Variants in TNFRSF14 observed in about 807,000 individuals in gnomAD.
TNFRSF14 encodes the protein TNF receptor superfamily member 14, also known as tumor necrosis factor receptor superfamily member 14.
A neutral mutation model predicts 34.1 loss-of-function variants in TNFRSF14; 18 were observed. The ratio of observed to expected loss-of-function variants is 0.53; its 90% confidence interval spans 0.36 to 0.78. TNFRSF14 has a LOEUF of 0.78. Ranked by LOEUF, TNFRSF14 falls within the 30% of genes least tolerant of loss-of-function variation. The pLI is 0.00. For missense variants in TNFRSF14, 352 were observed against 379.5 expected (o/e 0.93, Z 0.60); for synonymous variants, 157 against 153.2 (o/e 1.02, Z -0.18).
In TNFRSF14 at chr1:2,558,403, C is replaced by T. The variant is rs771517383; in HGVS notation, c.239C>T (p.Pro80Leu). The stretch of plus-strand genomic sequence containing the variant: ...GGCACAGTGTGTGAACCCTGCCCTC[C>T]AGGCACCTACATTGCCCACCTCAAT... ...LTGTVCEPCP[P>L]GTYIAHLNGL... Residue 80 changes from proline to leucine, a missense_variant, in exon 3 of 8, where the codon CCA becomes CTA. Physicochemically the swap from Pro to Leu is moderately conservative, Grantham distance 98. Coordinates refer to ENST00000355716, the MANE Select transcript of TNFRSF14 (RefSeq NM_003820.4). 1.9e-6 allele frequency: 3 copies of T among 1,613,404 alleles called. No individual in the cohort carries two copies. In the South Asian group the frequency reaches 3.3e-5, roughly 18 times the overall value.
In TNFRSF14 at chr1:2,559,823, C is replaced by T. The variant is rs2100852440; in HGVS notation, c.305C>T (p.Ala102Val). ...CTCAGCCCCTCCTCTTGGACTCCAGCCATGGGCCTGCGCGCGAGCCGGAAC... is the reference window on the plus strand; with the variant it reads ...CTCAGCCCCTCCTCTTGGACTCCAGTCATGGGCCTGCGCGCGAGCCGGAAC... Reference protein sequence around the residue: ...KCLQCQMCDPAMGLRASRNCS... With the variant: ...KCLQCQMCDPVMGLRASRNCS... The change falls in exon 4 of 8, where the codon GCC (alanine) becomes GTC (valine). Residue 102 changes from alanine (A) to valine (V), a missense_variant and splice_region_variant. Transcript: ENST00000355716. 3 of 1,606,580 alleles carry T rather than the reference C, an allele frequency of 1.9e-6. No homozygotes were observed. The highest frequency in any genetic ancestry group is 2.5e-6 in the Non-Finnish European group (3 of 1,177,636).
At position 2,559,805 on chromosome 1, in the gene TNFRSF14, C is replaced by A. The variant is rs750170869; in HGVS notation, c.305-18C>A. The A allele has an allele frequency of 4.4e-6, 7 of 1,602,372 alleles. No homozygotes were observed. The highest frequency in any genetic ancestry group is 2.2e-5 in the East Asian group (1 of 44,492). On this transcript the variant is annotated intron_variant, in intron 3 of 7. Coordinates refer to ENST00000355716, the MANE Select transcript of TNFRSF14 (RefSeq NM_003820.4). ...CGGCCTCCACGTACCCCTCTCAGCCCCTCCTCTTGGACTCCAGCCATGGGC... is the reference window on the plus strand; with the variant it reads ...CGGCCTCCACGTACCCCTCTCAGCCACTCCTCTTGGACTCCAGCCATGGGC...
intron 3 of TNFRSF14, 69 bp downstream of exon 3, chr1:2,558,537 C>A (rs945311667): frequency 1.3e-6 from 2 of 1,592,968 alleles, no homozygotes; most frequent in East Asian, 4.5e-5. Flanking sequence ...CCTGCACCCT[C>A]TCTCCATGGC....
chr1:2,558,569 C>T (rs1405387800), intron 3 of TNFRSF14, 101 bp downstream of exon 3: 36 of 1,572,904 alleles, frequency 2.3e-5, no homozygotes, highest in East Asian at 1.6e-4. Context: ...AGGAAGGCCC[C>T]GGCTGCCCCA....
At chr1:2,559,165 A>T in intron 3 of TNFRSF14, 1 of 1,365,874 alleles carries the variant, frequency 7.3e-7, no homozygotes, top group East Asian at 3.4e-5. Flanking sequence ...CAGGTGGGCT[A>T]GCCATGAACA....
chr1:2,558,419 C>T lies in TNFRSF14; in HGVS notation c.255C>T (p.Ala85=). 2 of 1,613,442 alleles carry T rather than the reference C, an allele frequency of 1.2e-6. No homozygotes were observed. Among genetic ancestry groups the T allele is most frequent in the South Asian group, 1.1e-5 (1 of 91,048 alleles). ...CCTGCCCTCCAGGCACCTACATTGCCCACCTCAATGGCCTAAGCAAGTGTC... is the reference window on the plus strand; with the variant it reads ...CCTGCCCTCCAGGCACCTACATTGCTCACCTCAATGGCCTAAGCAAGTGTC... ...CEPCPPGTYI[A]HLNGLSKCLQ... The change falls in exon 3 of 8, where the codon GCC becomes GCT. Residue 85 remains alanine, a synonymous_variant. Coordinates refer to ENST00000355716, the MANE Select transcript of TNFRSF14 (RefSeq NM_003820.4).
Position 2,561,389 on chromosome 1 carries a change from T to C in TNFRSF14, c.552-284T>C, listed in dbSNP as rs1644306022. ...CCGTGCTCTGGGGTCTCTGCACTGCTGGCTGCCTCCCGCTTCTCTCCCCTC... is the reference window on the plus strand; with the variant it reads ...CCGTGCTCTGGGGTCTCTGCACTGCCGGCTGCCTCCCGCTTCTCTCCCCTC... On this transcript the variant is annotated intron_variant, in intron 5 of 7. Transcript: ENST00000355716. The surrounding 1 kb of genome is among the most constrained non-coding windows in gnomAD (Gnocchi z 6.0). 2 of 1,177,038 alleles carry C rather than the reference T, an allele frequency of 1.7e-6. No individual in the cohort carries two copies. The highest frequency in any genetic ancestry group is 1.6e-5 in the South Asian group (1 of 63,456). 72.9% of individuals were successfully genotyped at this position (1,177,038 alleles called of 1,614,324 possible). A position where few individuals can be genotyped will look rare whatever the true frequency, so the allele number is the denominator to read the frequency against.
At chr1:2,559,329 G>C (rs937695829) in intron 3 of TNFRSF14, 1 of 1,370,696 alleles carries the variant, frequency 7.3e-7, no homozygotes, top group African/African-American at 1.4e-5. Flanking sequence ...TGGCAGGTGA[G>C]GCTGCCCTCA....
At chr1:2,560,350 A>G (rs1042531930) in intron 4 of TNFRSF14, among the ~76,000 whole-genome samples, 2 of 152,136 alleles carry the variant, frequency 1.3e-5, no homozygotes, top group African/African-American at 4.8e-5. Context: ...CCTGGCCTGC[A>G]TCTGGCCGGG....
Position 2,558,430 on chromosome 1 carries a change from G to A in TNFRSF14, c.266G>A (p.Gly89Asp). Residue 89 changes from glycine (G) to aspartate (D), a missense_variant, in exon 3 of 8, where the codon GGC becomes GAC. Gly to Asp is a moderately conservative substitution (Grantham distance 94, BLOSUM62 -1). Coordinates refer to ENST00000355716, the MANE Select transcript of TNFRSF14 (RefSeq NM_003820.4). ...GGCACCTACATTGCCCACCTCAATGGCCTAAGCAAGTGTCTGCAGTGCCAA... is the reference window on the plus strand; with the variant it reads ...GGCACCTACATTGCCCACCTCAATGACCTAAGCAAGTGTCTGCAGTGCCAA... The part of the protein sequence containing the change: ...PPGTYIAHLN[G>D]LSKCLQCQMC... 1 of 1,613,372 alleles carries A rather than the reference G, an allele frequency of 6.2e-7. No individual in the cohort carries two copies. Among genetic ancestry groups the A allele is most frequent in the Non-Finnish European group, 8.5e-7 (1 of 1,179,828 alleles).
chr1:2,560,733 G>C lies in TNFRSF14; in HGVS notation c.551+19G>C. ...AGACCAAGTAAGTGAACCCGGGGGAGGCCCAGCTCTGTGCCCTGGGGAGGG... is the reference window on the plus strand; with the variant it reads ...AGACCAAGTAAGTGAACCCGGGGGACGCCCAGCTCTGTGCCCTGGGGAGGG... On this transcript the variant is annotated intron_variant, in intron 5 of 7. Coordinates refer to ENST00000355716, the MANE Select transcript of TNFRSF14 (RefSeq NM_003820.4). 1 of 1,610,508 alleles carries C rather than the reference G, an allele frequency of 6.2e-7. No individual in the cohort carries two copies. Among genetic ancestry groups the C allele is most frequent in the Non-Finnish European group, 8.5e-7 (1 of 1,177,906 alleles).
intron 3 of TNFRSF14, chr1:2,559,466 G>A (rs1160271566): frequency 1.9e-5 from 27 of 1,430,592 alleles, no homozygotes; most frequent in Non-Finnish European, 2.2e-5. Flanking sequence ...TTGCGGGGTG[G>A]GTGTCTGGGT....
intron 3 of TNFRSF14, 103 bp from the exon 4 acceptor site, chr1:2,559,720 A>T: frequency 6.5e-7 from 1 of 1,537,682 alleles, no homozygotes; most frequent in Non-Finnish European, 8.7e-7. Context: ...TCAGCCTGGC[A>T]GGGCGCCCTG....
At position 2,559,764 on chromosome 1, in the gene TNFRSF14, C is replaced by A. The variant is rs557850965; in HGVS notation, c.305-59C>A. The A allele has an allele frequency of 9.6e-6, 15 of 1,556,866 alleles. No individual in the cohort carries two copies. The East Asian group carries it at 2.8e-4, about 29-fold the overall frequency. On this transcript the variant is annotated intron_variant, in intron 3 of 7. Coordinates refer to ENST00000355716, the MANE Select transcript of TNFRSF14 (RefSeq NM_003820.4). ...CCTTGGCCTGTGGATGCTGTCCTGGCCCGTGGATGGTGTCCCGGCCTCCAC... is the reference window on the plus strand; with the variant it reads ...CCTTGGCCTGTGGATGCTGTCCTGGACCGTGGATGGTGTCCCGGCCTCCAC...
chr1:2,559,346 G>A (rs1197400257), intron 3 of TNFRSF14: 3 of 1,374,838 alleles, frequency 2.2e-6, no homozygotes, highest in South Asian at 2.4e-5. Context: ...CTCAGGAGGG[G>A]CCCAGGCCCA....
rs894767209 is a variant in TNFRSF14, at chr1:2,563,422, G to T, written c.*149G>T. 1.0e-4 allele frequency: 135 copies of T among 1,355,044 alleles called. No homozygotes were observed. In the South Asian group the frequency reaches 1.8e-3, roughly 18 times the overall value. 83.9% of individuals were successfully genotyped at this position (1,355,044 alleles called of 1,614,324 possible). ...CTCCTCCAGTGGAGGGAGAGGTGGG[G>T]CCCCTGCTGGGGTAGAGCTGGGGAC... On this transcript the variant is annotated 3_prime_UTR_variant, in exon 8 of 8. Coordinates refer to ENST00000355716, the MANE Select transcript of TNFRSF14 (RefSeq NM_003820.4).
chr1:2,561,956 A>C lies in TNFRSF14; in HGVS notation c.694+141A>C. The C allele has an allele frequency of 1.0e-6, 1 of 957,536 alleles. No individual in the cohort carries two copies. Among genetic ancestry groups the C allele is most frequent in the Non-Finnish European group, 1.6e-6 (1 of 640,104 alleles). The allele number at this position is 957,536 out of a possible 1,614,324, so 59.3% of individuals were successfully genotyped here. ...CAGGGCAGCCACTGCAGGCTGGGGC[A>C]GGTGGGCTTTCTGCTGTGGCCAGAG... On this transcript the variant is annotated intron_variant, in intron 6 of 7. Transcript: ENST00000355716. The surrounding 1 kb of genome is among the most constrained non-coding windows in gnomAD (Gnocchi z 6.0).
At chr1:2,556,014 C>T, upstream of TNFRSF14, 1 of 229,418 alleles carries the variant, frequency 4.4e-6, no homozygotes, top group East Asian at 1.3e-4. Context: ...GCTGCCCTTC[C>T]ACCCCTCCCA....
upstream of TNFRSF14, chr1:2,555,590 C>A: frequency 6.5e-6 from 1 of 152,992 alleles, no homozygotes. This position sits in a 1 kb window ranked among gnomAD's most constrained non-coding sequence, Gnocchi z 6.3. Context: ...GATGGGCTTG[C>A]TGGAGGTGGG....
Sources: allele counts gnomAD v4.1 joint callset (sites outside exome capture counted in the v4.1 genomes callset), GRCh38; gene constraint gnomAD v4.1.1; non-coding constraint Gnocchi (gnomAD v3.1); transcripts MANE v1.5; gene names NCBI Gene and HGNC (gene_info 2026-07-23, HGNC 2026-07-21).